Variants in ANO6 observed in about 807,000 individuals in gnomAD.
The protein encoded by ANO6 is anoctamin-6.
Under a neutral mutation model 117.5 loss-of-function variants are expected in ANO6, and 106 were observed. That is an observed-to-expected ratio of 0.90 (90% CI 0.77 to 1.06). ANO6 has a LOEUF of 1.06. Ranked by LOEUF, ANO6 falls within the 50% of genes least tolerant of loss-of-function variation. The pLI is 0.00. For missense variants in ANO6, 955 were observed against 1,121.1 expected, an observed-to-expected ratio of 0.85 and a Z score of 2.12; for synonymous variants, 367 against 385.1, an observed-to-expected ratio of 0.95 and a Z score of 0.55.
chr12:45,281,672 C>T (rs1188386601), intron 1 of ANO6, among the ~76,000 whole-genome samples: 3 of 152,204 alleles, frequency 2.0e-5, no homozygotes, highest in Non-Finnish European at 4.4e-5. Flanking sequence ...CCACTAGATG[C>T]TGCATCCAAC....
At chr12:45,363,275 C>G (rs1026886076) in intron 8 of ANO6, among the ~76,000 whole-genome samples, 2 of 152,022 alleles carry the variant, frequency 1.3e-5, no homozygotes, top group Admixed American at 6.6e-5. Context: ...TAAAGGTGTT[C>G]AATCTGGGCT....
In ANO6 at chr12:45,421,586, C is replaced by T. The variant is rs574176485; in HGVS notation, c.2420+313C>T. Among the ~76,000 whole-genome samples, 6 of 152,176 alleles carry T rather than the reference C, an allele frequency of 3.9e-5. No homozygotes were observed. In the East Asian group the frequency reaches 7.7e-4, roughly 20 times the overall value. ...AAGATTTAAAGTTGAGAGTTTCAAA[C>T]GATTACAGGGAGATTGATTCCAAAG... is the stretch of plus-strand genomic sequence containing the variant. On this transcript the variant is annotated intron_variant, in intron 18 of 19. Coordinates refer to ENST00000320560, the MANE Select transcript of ANO6 (RefSeq NM_001025356.3).
chr12:45,428,244 C>T (rs1025845609), intron 19 of ANO6, among the ~76,000 whole-genome samples: 2 of 152,160 alleles, frequency 1.3e-5, no homozygotes, highest in Non-Finnish European at 2.9e-5. Flanking sequence ...ATAGTGTAGT[C>T]ACACAGAAGA....
intron 1 of ANO6, among the ~76,000 whole-genome samples, chr12:45,272,925 A>G (rs1304035689): frequency 6.6e-6 from 1 of 152,220 alleles, no homozygotes; most frequent in East Asian, 1.9e-4. Flanking sequence ...TGATGGATGA[A>G]TGGATAAAGA....
At position 45,327,850 on chromosome 12, in the gene ANO6, T is replaced by C. The variant is rs111428367; in HGVS notation, c.151-3445T>C. Among the ~76,000 whole-genome samples, 1,087 of 152,250 alleles carry C rather than the reference T, an allele frequency of 7.1e-3. 15 individuals are homozygous for C. The highest frequency in any genetic ancestry group is 0.025 in the African/African-American group (1,047 of 41,566). ...ATATATTTTATCAGAAAAAAAAATT[T>C]TATTCTAAGAAAAAAATAAACCTGA... is the stretch of plus-strand genomic sequence containing the variant. On this transcript the variant is annotated intron_variant, in intron 2 of 19. Transcript: ENST00000320560.
At chr12:45,290,163 C>T (rs1939048246) in intron 1 of ANO6, among the ~76,000 whole-genome samples, 1 of 151,920 alleles carries the variant, frequency 6.6e-6, no homozygotes, top group South Asian at 2.1e-4. Flanking sequence ...ACAATATATA[C>T]ATGTAAAATT....
intron 2 of ANO6, among the ~76,000 whole-genome samples, chr12:45,326,067 A>G (rs1338187016): frequency 6.6e-6 from 1 of 152,202 alleles, no homozygotes; most frequent in Non-Finnish European, 1.5e-5. Context: ...CTAGAGGGAA[A>G]TATTTAATAC....
chr12:45,429,051 C>T (rs1943572400), intron 19 of ANO6, 54 bp from the exon 20 acceptor site: 3 of 1,591,178 alleles, frequency 1.9e-6, no homozygotes, highest in Non-Finnish European at 1.7e-6. Flanking sequence ...GAAAGGAACT[C>T]GGTGTTCTCC....
At chr12:45,240,220 G>A (rs569775439) in intron 1 of ANO6, among the ~76,000 whole-genome samples, 11 of 152,050 alleles carry the variant, frequency 7.2e-5, no homozygotes, top group African/African-American at 1.2e-4. Flanking sequence ...TATTGGGTGC[G>A]TATATATTTA....
chr12:45,388,116 A>T, intron 10 of ANO6, 45 bp from the exon 11 acceptor site: 1 of 1,610,832 alleles, frequency 6.2e-7, no homozygotes, highest in Admixed American at 1.7e-5. Flanking sequence ...CTGAAACATC[A>T]GTCATCATTG....
chr12:45,236,691 G>C lies in ANO6; in HGVS notation c.70+20300G>C, dbSNP rs188987263. On this transcript the variant is annotated intron_variant, in intron 1 of 19. Coordinates refer to ENST00000320560, the MANE Select transcript of ANO6 (RefSeq NM_001025356.3). ...GTGAATAGTGCTGCAATAAACATACGTGTGCATGTGTCTTCATAGTAGAAT... is the reference window on the plus strand; with the variant it reads ...GTGAATAGTGCTGCAATAAACATACCTGTGCATGTGTCTTCATAGTAGAAT... Among the ~76,000 whole-genome samples, 122 of 152,304 alleles carry C rather than the reference G, an allele frequency of 8.0e-4. 1 individual carries two copies. Among genetic ancestry groups the C allele is most frequent in the African/African-American group, 2.8e-3 (117 of 41,566 alleles).
chr12:45,349,051 GATTAAATTAATCC>G (rs1020883472), intron 6 of ANO6, among the ~76,000 whole-genome samples: 13 of 152,056 alleles, frequency 8.5e-5, no homozygotes, highest in African/African-American at 2.9e-4. Flanking sequence ...TTGTTAAGAG[GATTAAATTAATCC>G]ATTAAATTAA....
At chr12:45,323,935 ATTTTTT>A (rs761870704) in intron 2 of ANO6, among the ~76,000 whole-genome samples, 1 of 108,330 alleles carries the variant, frequency 9.2e-6, no homozygotes, top group Non-Finnish European at 1.8e-5. Context: ...TTGTTGTTGT[ATTTTTT>A]TTTTTTTTTT....
At chr12:45,292,898 C>A (rs1248693414) in intron 1 of ANO6, 9 of 1,551,050 alleles carry the variant, frequency 5.8e-6, no homozygotes, top group Non-Finnish European at 7.8e-6. Context: ...TTGTCCATTC[C>A]CCCTTTTGTT....
At position 45,424,947 on chromosome 12, in the gene ANO6, TA is replaced by T. The variant is rs35933311; in HGVS notation, c.2526+1895del. On this transcript the variant is annotated intron_variant, in intron 19 of 19. Transcript: ENST00000320560. ...AGATGGTCAATAACAAGAGGTGATT[TA>T]AAAAAAAAACAAAAAAACGTGTGAG... 3.0e-4 allele frequency among the ~76,000 whole-genome samples: 44 copies of T among 147,652 alleles called. 1 individual carries two copies. The East Asian group carries it at 4.1e-3, about 14-fold the overall frequency.
At chr12:45,328,483 G>GA (rs1940549952) in intron 2 of ANO6, among the ~76,000 whole-genome samples, 2 of 151,928 alleles carry the variant, frequency 1.3e-5, no homozygotes, top group African/African-American at 4.8e-5. Context: ...CGTTTTGTTG[G>GA]AAAAAACGTT....
intron 2 of ANO6, among the ~76,000 whole-genome samples, chr12:45,324,600 G>C (rs1245015913): frequency 7.9e-5 from 12 of 152,106 alleles, no homozygotes; most frequent in Admixed American, 7.2e-4. Flanking sequence ...AAATAGCCCA[G>C]GGCAGTTCTA....
chr12:45,263,700 G>A (rs1354165087), intron 1 of ANO6, among the ~76,000 whole-genome samples: 2 of 152,104 alleles, frequency 1.3e-5, no homozygotes, highest in African/African-American at 4.8e-5. Flanking sequence ...TATCCAACTG[G>A]GAAGAGCCAA....
intron 1 of ANO6, among the ~76,000 whole-genome samples, chr12:45,261,200 T>C (rs1223930287): frequency 6.6e-6 from 1 of 152,178 alleles, no homozygotes; most frequent in Admixed American, 6.5e-5. Flanking sequence ...ATTTTCCAGT[T>C]ATTGAGGAAC....
Sources: gnomAD v4.1 joint callset for allele counts (sites outside exome capture counted in the v4.1 genomes callset) on GRCh38, gnomAD v4.1.1 for gene constraint, MANE v1.5 for transcripts, NCBI Gene and HGNC (gene_info 2026-07-23, HGNC 2026-07-21) for gene names.